Variants in ATG13 observed in about 807,000 individuals in gnomAD.
ATG13 encodes autophagy related 13, also known as autophagy-related protein 13.
ATG13 carries 23 observed loss-of-function variants against 65.5 expected under a neutral mutation model. The observed-to-expected ratio is 0.35, with a 90% confidence interval of 0.25 to 0.50. ATG13 has a LOEUF of 0.50. ATG13 is among the 20% of genes least tolerant of loss of function. ATG13 has a pLI of 0.98. For synonymous variants in ATG13, 252 were observed against 245.2 expected, an observed-to-expected ratio of 1.03 and a Z score of -0.26; for missense variants, 566 against 677.0, an observed-to-expected ratio of 0.84 and a Z score of 1.82.
At chr11:46,654,303 A>ATATATATATATATATATATATATATATG (rs1565550547) in intron 7 of ATG13, among the ~76,000 whole-genome samples, 1 of 143,810 alleles carries the variant, frequency 7.0e-6, no homozygotes, top group African/African-American at 2.6e-5. Context: ...ATATATATAT[A>ATATATATATATATATATATATATATATG]TATATATGTA....
At chr11:46,659,296 A>G (rs1438670581) in intron 10 of ATG13, 96 bp from the exon 11 acceptor site, 2 of 949,820 alleles carry the variant, frequency 2.1e-6, no homozygotes, top group Non-Finnish European at 3.3e-6. Context: ...AACCGTTCTT[A>G]GCACAGGTCC....
chr11:46,624,302 C>G (rs1272241353), intron 1 of ATG13, among the ~76,000 whole-genome samples: 1 of 152,146 alleles, frequency 6.6e-6, no homozygotes, highest in African/African-American at 2.4e-5. Flanking sequence ...CACAACCAGC[C>G]AAATTCAGGA....
chr11:46,669,525 A>T lies in ATG13; in HGVS notation c.1568A>T (p.Glu523Val). The T allele has an allele frequency of 6.2e-7, 1 of 1,613,098 alleles. No homozygotes were observed. Residue 523 changes from glutamate to valine, a missense_variant, in exon 18 of 19, where the codon GAA (glutamate) becomes GTA (valine). By Grantham distance (121) the Glu-to-Val change is moderately radical (BLOSUM62 -2). This residue lies in a region of ATG13 where 387 missense variants were observed against 409.8 expected (regional missense o/e 0.94). Coordinates refer to ENST00000683050, the MANE Select transcript of ATG13 (RefSeq NM_001346311.2). ...GATATTGGAGCACAGTCCATGGCTGAAGACTTGGTATGGAAACGTCTTCCT... is the reference window on the plus strand; with the variant it reads ...GATATTGGAGCACAGTCCATGGCTGTAGACTTGGTATGGAAACGTCTTCCT... ...SIDIGAQSMA[E>V]DLDSLPEKLA...
At chr11:46,630,147 A>G (rs2051185588) in intron 2 of ATG13, 47 bp downstream of exon 2, 1 of 152,202 alleles carries the variant, frequency 6.6e-6, no homozygotes, top group African/African-American at 2.4e-5. Flanking sequence ...ATAAAATTAT[A>G]GTAAAGGAAT....
intron 11 of ATG13, among the ~76,000 whole-genome samples, chr11:46,660,305 A>T (rs1363969269): frequency 1.3e-5 from 2 of 149,274 alleles, no homozygotes; most frequent in East Asian, 3.9e-4. Flanking sequence ...ATCAGCCCAG[A>T]TTCTCCTGTT....
chr11:46,645,773 C>T (rs1397238708), intron 4 of ATG13, 97 bp from the exon 5 acceptor site: 2 of 1,500,128 alleles, frequency 1.3e-6, no homozygotes, highest in East Asian at 2.3e-5. Flanking sequence ...CTTCCTTAAT[C>T]AGCCACAGCA....
chr11:46,641,164 C>G (rs568879265), intron 2 of ATG13, among the ~76,000 whole-genome samples: 1 of 152,222 alleles, frequency 6.6e-6, no homozygotes, highest in East Asian at 1.9e-4. Context: ...CCTCTGCCTC[C>G]TGGGTTCAAG....
chr11:46,646,361 G>T (rs1306218381), intron 5 of ATG13, among the ~76,000 whole-genome samples: 1 of 152,142 alleles, frequency 6.6e-6, no homozygotes, highest in Non-Finnish European at 1.5e-5. Flanking sequence ...GTTAAGTCAG[G>T]CTGATCTCGA....
rs934021972 is a variant in ATG13, at chr11:46,645,996, C to G, written c.270+7C>G. 2.5e-6 allele frequency: 4 copies of G among 1,613,960 alleles called. No individual in the cohort carries two copies. The Admixed American group carries it at 5.0e-5, about 20-fold the overall frequency. ...TTCACTTAAGACTTCTGAGGTAAGG[C>G]TATGGCCAGGTTGGTGTCTTCATTT... On this transcript the variant is annotated splice_region_variant and intron_variant, in intron 5 of 18. Coordinates refer to ENST00000683050, the MANE Select transcript of ATG13 (RefSeq NM_001346311.2).
At chr11:46,656,840 T>TA in intron 8 of ATG13, 1 of 469,082 alleles carries the variant, frequency 2.1e-6, no homozygotes, top group South Asian at 3.9e-5. Flanking sequence ...TATCTATAAA[T>TA]AGAGTGCTGT....
At chr11:46,638,431 C>G (rs2054740762) in intron 2 of ATG13, 1 of 152,230 alleles carries the variant, frequency 6.6e-6, no homozygotes, top group African/African-American at 2.4e-5. Flanking sequence ...GAGTGAGACT[C>G]TGTCTCAAAA....
intron 2 of ATG13, among the ~76,000 whole-genome samples, chr11:46,633,018 ATATATATATTTTT>A (rs1271775264): frequency 4.0e-4 from 41 of 101,308 alleles, no homozygotes; most frequent in African/African-American, 2.4e-3. Flanking sequence ...ATATATATAT[ATATATATATTTTT>A]TTTTTTTTTT....
At chr11:46,668,999 A>AG (rs2063074910) in intron 17 of ATG13, 89 bp downstream of exon 17, 3 of 1,114,014 alleles carry the variant, frequency 2.7e-6, no homozygotes, top group Non-Finnish European at 4.0e-6. Flanking sequence ...TTTCCTTCAT[A>AG]GGGATCAGAT....
intron 1 of ATG13, among the ~76,000 whole-genome samples, chr11:46,623,951 G>T (rs945731535): frequency 2.7e-5 from 4 of 146,182 alleles, no homozygotes; most frequent in East Asian, 2.0e-4. Context: ...CTTCAGAGAT[G>T]TTACTTATAT....
At chr11:46,642,834 C>T (rs547710406) in intron 2 of ATG13, among the ~76,000 whole-genome samples, 3 of 152,312 alleles carry the variant, frequency 2.0e-5, no homozygotes, top group Admixed American at 2.0e-4. Context: ...TCCCCTGTCT[C>T]GCACACTAGG....
intron 17 of ATG13, among the ~76,000 whole-genome samples, chr11:46,669,128 C>A (rs1266790985): frequency 6.6e-6 from 1 of 152,188 alleles, no homozygotes; most frequent in East Asian, 1.9e-4. Context: ...TAATGAAATT[C>A]AACTCTAAAT....
chr11:46,637,032 G>C (rs1276052076), intron 2 of ATG13, among the ~76,000 whole-genome samples: 3 of 152,056 alleles, frequency 2.0e-5, no homozygotes, highest in Non-Finnish European at 4.4e-5. Flanking sequence ...CAGCCATTGA[G>C]AAAGAATTCT....
intron 2 of ATG13, among the ~76,000 whole-genome samples, chr11:46,632,714 C>T (rs1373332399): frequency 6.6e-6 from 1 of 152,118 alleles, no homozygotes; most frequent in Non-Finnish European, 1.5e-5. Context: ...CACAAAACCA[C>T]TTGCCCCTGT....
intron 7 of ATG13, among the ~76,000 whole-genome samples, chr11:46,651,778 T>C (rs2058951029): frequency 6.6e-6 from 1 of 152,196 alleles, no homozygotes; most frequent in African/African-American, 2.4e-5. Flanking sequence ...CTTTAATAAA[T>C]TTTTGCCGTC....
Sources: gnomAD v4.1 joint callset for allele counts (sites outside exome capture counted in the v4.1 genomes callset) on GRCh38, gnomAD v4.1.1 for gene constraint, gnomAD v4.1.1 regional missense constraint, MANE v1.5 for transcripts, NCBI Gene and HGNC (gene_info 2026-07-23, HGNC 2026-07-21) for gene names.